QTMAN: variants seen among roughly 807,000 people sequenced by gnomAD.
QTMAN encodes queuosine-tRNA mannosyltransferase, also known as tRNA-queuosine alpha-mannosyltransferase.
the QTMAN span, chr2:143,943,161 C>G: frequency 6.6e-6 from 1 of 152,142 alleles, no homozygotes. Context: ...TTTAATCACA[C>G]ATGTCTGTAT....
the QTMAN span, among the ~76,000 whole-genome samples, chr2:144,092,226 A>G: frequency 6.7e-6 from 1 of 150,254 alleles, no homozygotes; most frequent in South Asian, 2.1e-4. Context: ...CCCAGGCTGG[A>G]GTGCAGTGGC....
the QTMAN span, among the ~76,000 whole-genome samples, chr2:144,144,492 T>A: frequency 6.6e-6 from 1 of 151,958 alleles, no homozygotes; most frequent in Non-Finnish European, 1.5e-5. Context: ...TCCATATTGA[T>A]AAAGCACAAA....
chr2:144,270,076 T>C, the QTMAN span, among the ~76,000 whole-genome samples: 1 of 152,208 alleles, frequency 6.6e-6, no homozygotes, highest in African/African-American at 2.4e-5. Flanking sequence ...TCAATTATTC[T>C]CTGAACTCTA....
chr2:144,216,539 A>G, the QTMAN span, among the ~76,000 whole-genome samples: 1 of 152,194 alleles, frequency 6.6e-6, no homozygotes, highest in African/African-American at 2.4e-5. Flanking sequence ...ATGATTTCCT[A>G]TTATTCCTGA....
the QTMAN span, among the ~76,000 whole-genome samples, chr2:144,318,195 A>G: frequency 8.7e-5 from 4 of 45,786 alleles, no homozygotes; most frequent in Admixed American, 2.3e-4. Context: ...ATTTAAATAA[A>G]CACACACACA....
the QTMAN span, among the ~76,000 whole-genome samples, chr2:144,255,399 T>C: frequency 9.7e-3 from 1,475 of 152,270 alleles, 16 homozygotes; most frequent in African/African-American, 0.033. Context: ...CTTCTCTCTT[T>C]GGCCGTGATG....
At chr2:144,184,556 T>C in the QTMAN span, among the ~76,000 whole-genome samples, 1 of 152,134 alleles carries the variant, frequency 6.6e-6, no homozygotes, top group African/African-American at 2.4e-5. Flanking sequence ...GTTAATACAG[T>C]AATGAGAGTG....
the QTMAN span, among the ~76,000 whole-genome samples, chr2:144,123,487 T>C: frequency 6.6e-6 from 1 of 152,096 alleles, no homozygotes; most frequent in Admixed American, 6.6e-5. Context: ...GGTATGAAAA[T>C]TATTTTATAA....
chr2:144,199,831 C>T, the QTMAN span, among the ~76,000 whole-genome samples: 1 of 151,946 alleles, frequency 6.6e-6, no homozygotes, highest in Non-Finnish European at 1.5e-5. Context: ...AATCATAAAC[C>T]TTCAGTTACA....
the QTMAN span, among the ~76,000 whole-genome samples, chr2:144,076,476 CAT>C: frequency 6.6e-6 from 1 of 152,196 alleles, no homozygotes; most frequent in South Asian, 2.1e-4. Flanking sequence ...ACATTAAGGA[CAT>C]ATGGAATGAT....
At chr2:144,276,717 T>G in the QTMAN span, among the ~76,000 whole-genome samples, 2 of 152,184 alleles carry the variant, frequency 1.3e-5, no homozygotes, top group Non-Finnish European at 2.9e-5. Flanking sequence ...TAAACAGTGC[T>G]CTGGATACAC....
At chr2:144,164,928 G>T in the QTMAN span, among the ~76,000 whole-genome samples, 1 of 152,184 alleles carries the variant, frequency 6.6e-6, no homozygotes. Context: ...CCAAATAGAT[G>T]ATCTATCAAT....
chr2:144,278,187 C>G, the QTMAN span, among the ~76,000 whole-genome samples: 3 of 152,156 alleles, frequency 2.0e-5, no homozygotes, highest in Non-Finnish European at 4.4e-5. Flanking sequence ...GTGGTTCTAG[C>G]AGGAGTTGCA....
At chr2:144,001,260 A>C in the QTMAN span, among the ~76,000 whole-genome samples, 1 of 151,996 alleles carries the variant, frequency 6.6e-6, no homozygotes, top group Non-Finnish European at 1.5e-5. Flanking sequence ...ATTTTATATC[A>C]ATCATATATT....
chr2:143,982,523 C>T, the QTMAN span, among the ~76,000 whole-genome samples: 1 of 151,712 alleles, frequency 6.6e-6, no homozygotes, highest in Non-Finnish European at 1.5e-5. Flanking sequence ...GCATGAGCCA[C>T]CATGCCTGGC....
At chr2:144,266,895 T>C in the QTMAN span, among the ~76,000 whole-genome samples, 4 of 152,114 alleles carry the variant, frequency 2.6e-5, no homozygotes, top group Non-Finnish European at 4.4e-5. Flanking sequence ...TAAAGTACTT[T>C]GGGGAAAAGA....
the QTMAN span, among the ~76,000 whole-genome samples, chr2:144,069,963 T>C: frequency 9.2e-5 from 14 of 152,120 alleles, no homozygotes; most frequent in Non-Finnish European, 1.9e-4. Context: ...TTTTTAACGC[T>C]ATACATTAAA....
At chr2:144,013,759 G>A in the QTMAN span, among the ~76,000 whole-genome samples, 6 of 152,280 alleles carry the variant, frequency 3.9e-5, no homozygotes, top group Admixed American at 2.0e-4. Context: ...GCAGTTCAGC[G>A]ATCTAAGGCC....
At chr2:144,048,409 C>CA in the QTMAN span, among the ~76,000 whole-genome samples, 1 of 152,228 alleles carries the variant, frequency 6.6e-6, no homozygotes, top group East Asian at 1.9e-4. Flanking sequence ...GATCATACTA[C>CA]AAGCTAGGAG....
Sources: allele counts gnomAD v4.1 joint callset (sites outside exome capture counted in the v4.1 genomes callset), GRCh38; gene constraint gnomAD v4.1.1; transcripts MANE v1.5; gene names NCBI Gene and HGNC (gene_info 2026-07-23, HGNC 2026-07-21).